Variants in SPTB observed in about 807,000 individuals in gnomAD.
The protein encoded by SPTB is spectrin beta chain, erythrocytic.
Under a neutral mutation model 256.2 loss-of-function variants are expected in SPTB, and 45 were observed. That is an observed-to-expected ratio of 0.18 (90% CI 0.14 to 0.23). The LOEUF is 0.23. SPTB is among the 10% of genes least tolerant of loss of function. SPTB has a pLI of 1.00. For synonymous variants in SPTB, 1,231 were observed against 1,243.1 expected, an observed-to-expected ratio of 0.99 and a Z score of 0.21; for missense variants, 2,715 against 3,040.4, an observed-to-expected ratio of 0.89 and a Z score of 2.52.
chr14:64,822,401 C>CACACACACACACAGCA (rs1555374137), intron 2 of SPTB, among the ~76,000 whole-genome samples: 3 of 136,522 alleles, frequency 2.2e-5, no homozygotes, highest in African/African-American at 5.7e-5. Flanking sequence ...CACACACACA[C>CACACACACACACAGCA]AGAGAGATCT....
Position 64,801,322 on chromosome 14 carries a change from C to T in SPTB, c.726G>A (p.Glu242=), listed in dbSNP as rs2139628357. Residue 242 remains glutamate, a synonymous_variant, in exon 7 of 36, where the codon GAG becomes GAA. Coordinates refer to ENST00000644917, the MANE Select transcript of SPTB (RefSeq NM_001355436.2). ...HNLEHAFNVA[E]RQLGIIPLLD... is the part of the protein sequence containing the mutation. ...GGAGCGGGATGATGCCCAGCTGGCG[C>T]TCAGCCACATTGAATGCGTGCTCCA... The T allele has an allele frequency of 6.2e-7, 1 of 1,614,176 alleles. No individual in the cohort carries two copies. The highest frequency in any genetic ancestry group is 8.5e-7 in the Non-Finnish European group (1 of 1,180,000).
chr14:64,858,043 A>C (rs2083900378), intron 1 of SPTB, among the ~76,000 whole-genome samples: 1 of 152,210 alleles, frequency 6.6e-6, no homozygotes, highest in African/African-American at 2.4e-5. Flanking sequence ...TTTACTGAGG[A>C]GGAAAATGAA....
chr14:64,817,107 G>C (rs1392578580), intron 2 of SPTB, among the ~76,000 whole-genome samples: 2 of 152,366 alleles, frequency 1.3e-5, no homozygotes, highest in African/African-American at 4.8e-5. Context: ...AGTTCTGAGA[G>C]AGGAAGAATA....
intron 33 of SPTB, 179 bp from the exon 34 acceptor site, chr14:64,750,333 C>A: frequency 1.4e-6 from 1 of 704,428 alleles, no homozygotes; most frequent in Non-Finnish European, 2.3e-6. Context: ...CTATTATTAA[C>A]ATTTTATGTA....
At chr14:64,766,925 C>A in intron 31 of SPTB, 124 bp from the exon 32 acceptor site, 1 of 1,263,576 alleles carries the variant, frequency 7.9e-7, no homozygotes, top group South Asian at 1.2e-5. Context: ...TCCAGTCAGC[C>A]GGCAGCCTGG....
In SPTB at chr14:64,774,519, C is replaced by G; in HGVS notation, c.4851G>C (p.Glu1617Asp). 6.4e-7 allele frequency: 1 copy of G among 1,553,482 alleles called. No individual in the cohort carries two copies. The stretch of plus-strand genomic sequence containing the variant: ...GTCGCTTCAGCATCACAATGGCGCC[C>G]TCTTCATCCTAGGAGGCAGCAGACG... Reference protein sequence around the residue: ...VISDEIPKDEEGAIVMLKRHL... With the variant: ...VISDEIPKDEDGAIVMLKRHL... The change falls in exon 24 of 36, where the codon GAG becomes GAC. Residue 1617 changes from glutamate (E) to aspartate (D), a missense_variant. By Grantham distance (45) the Glu-to-Asp change is conservative (BLOSUM62 2). Coordinates refer to ENST00000644917, the MANE Select transcript of SPTB (RefSeq NM_001355436.2).
intron 14 of SPTB, 63 bp from the exon 15 acceptor site, chr14:64,791,919 G>A: frequency 6.2e-7 from 1 of 1,604,692 alleles, no homozygotes; most frequent in Non-Finnish European, 8.5e-7. Context: ...CCTTGCCAGT[G>A]GCACCCCCAG....
intron 1 of SPTB, among the ~76,000 whole-genome samples, chr14:64,879,314 A>G (rs1314983589): frequency 6.6e-6 from 1 of 152,170 alleles, no homozygotes; most frequent in Non-Finnish European, 1.5e-5. Flanking sequence ...TGGCCCGAGG[A>G]GAGCGCAGCC....
chr14:64,851,502 T>TAGCAGCAGCAGCAGC (rs2083785732), intron 1 of SPTB, among the ~76,000 whole-genome samples: 1 of 152,026 alleles, frequency 6.6e-6, no homozygotes, highest in Non-Finnish European at 1.5e-5. Context: ...GCAGCAGCAG[T>TAGCAGCAGCAGCAGC]AGTAGTAGTA....
chr14:64,821,095 C>G (rs1357038968), intron 2 of SPTB, among the ~76,000 whole-genome samples: 1 of 152,228 alleles, frequency 6.6e-6, no homozygotes, highest in East Asian at 1.9e-4. Flanking sequence ...CAGAATCACA[C>G]ACACCCTTCA....
intron 32 of SPTB, among the ~76,000 whole-genome samples, chr14:64,761,873 C>T (rs1173532358): frequency 6.6e-6 from 1 of 152,140 alleles, no homozygotes; most frequent in Admixed American, 6.6e-5. Flanking sequence ...CCAGTGGTCA[C>T]ATCGTCCACT....
At chr14:64,783,097 C>T (rs6573568) in intron 19 of SPTB, among the ~76,000 whole-genome samples, 32,697 of 152,066 alleles carry the variant, frequency 0.22, 4,712 homozygotes, top group African/African-American at 0.4. Context: ...TGACCTCCTT[C>T]GGTTACTGAG....
chr14:64,785,417 G>A lies in SPTB; in HGVS notation c.3855+120C>T, dbSNP rs368064755. On this transcript the variant is annotated intron_variant, in intron 18 of 35. Coordinates refer to ENST00000644917, the MANE Select transcript of SPTB (RefSeq NM_001355436.2). This position sits in a 1 kb window ranked among gnomAD's most constrained non-coding sequence, Gnocchi z 4.4. ...CCCAATTAAGTACCCAGAGGTCCCC[G>A]CTCATGGAATCCCACAGCTCTTGAG... 28 of 879,438 alleles carry A rather than the reference G, an allele frequency of 3.2e-5. No individual in the cohort carries two copies. Among genetic ancestry groups the A allele is most frequent in the Admixed American group, 8.1e-5 (4 of 49,494 alleles). The allele number at this position is 879,438 out of a possible 1,614,324, so 54.5% of individuals were successfully genotyped here. A position where few individuals can be genotyped will look rare whatever the true frequency, so the allele number is the denominator to read the frequency against.
At position 64,759,661 on chromosome 14, in the gene SPTB, G is replaced by A. The variant is rs36093510; in HGVS notation, c.6346-5868C>T. Among the ~76,000 whole-genome samples the A allele has an allele frequency of 0.076, 11,615 of 152,312 alleles. 499 individuals are homozygous for A. The highest frequency in any genetic ancestry group is 0.092 in the African/African-American group (3,831 of 41,558). ...CAGGTTCTGCCCAAAGGCAGCATAT[G>A]GAGGAGCTGATCTGAGGTTCCCTTC... On this transcript the variant is annotated intron_variant, in intron 32 of 35. Transcript: ENST00000644917. This position sits in a 1 kb window ranked among gnomAD's most constrained non-coding sequence, Gnocchi z 4.8.
rs970492258 is a variant in SPTB at position 64,764,922 on chromosome 14, C to A, written c.6345+1804G>T. On this transcript the variant is annotated intron_variant, in intron 32 of 35. Coordinates refer to ENST00000644917, the MANE Select transcript of SPTB (RefSeq NM_001355436.2). The surrounding 1 kb of genome is among the most constrained non-coding windows in gnomAD (Gnocchi z 4.2). ...TTCGGAGGGAACTTCTGGGAGAGAC[C>A]CTTCAGCAGGAGCCCAGCAGTGCCC... 9.9e-5 allele frequency among the ~76,000 whole-genome samples: 15 copies of A among 151,990 alleles called. No individual in the cohort carries two copies. The highest frequency in any genetic ancestry group is 3.4e-4 in the African/African-American group (14 of 41,350).
At position 64,873,244 on chromosome 14, in the gene SPTB, C is replaced by G. The variant is rs779002191; in HGVS notation, c.-52+6548G>C. Reference sequence around the variant, plus strand: ...CTTGTCATTTAGTTCCTCTCTCCCCCAACTACAATGTGCACTCTACGACTT... The same window carrying G: ...CTTGTCATTTAGTTCCTCTCTCCCCGAACTACAATGTGCACTCTACGACTT... On this transcript the variant is annotated intron_variant, in intron 1 of 35. Transcript: ENST00000644917. This position sits in a 1 kb window ranked among gnomAD's most constrained non-coding sequence, Gnocchi z 4.3. 6.6e-6 allele frequency among the ~76,000 whole-genome samples: 1 copy of G among 152,200 alleles called. No homozygotes were observed. Among genetic ancestry groups the G allele is most frequent in the Non-Finnish European group, 1.5e-5 (1 of 68,036 alleles).
Position 64,753,788 on chromosome 14 carries a change from T to G in SPTB, c.6351A>C (p.Glu2117Asp). Residue 2117 changes from glutamate (E) to aspartate (D), a missense_variant, in exon 33 of 36, where the codon GAA (glutamate) becomes GAC (aspartate). Around this residue, in one of 4 missense-constraint regions of SPTB, gnomAD observed 2,239 missense variants for 2,384.4 expected, o/e 0.94. Transcript: ENST00000644917. ...HAATERTSPGEEEGTWPQNLQ... is the reference protein window; with the variant it reads ...HAATERTSPGDEEGTWPQNLQ... ...GGTTCTGAGGCCACGTTCCCTCTTC[T>G]TCCCCCTGCTCAGGGCATAGGGAGG... The G allele has an allele frequency of 6.2e-7, 1 of 1,613,032 alleles. No homozygotes were observed. The highest frequency in any genetic ancestry group is 8.5e-7 in the Non-Finnish European group (1 of 1,179,996).
At position 64,749,303 on chromosome 14, in the gene SPTB, C is replaced by G; in HGVS notation, c.*3G>C. 6.3e-7 allele frequency: 1 copy of G among 1,597,588 alleles called. No individual in the cohort carries two copies. Among genetic ancestry groups the G allele is most frequent in the Non-Finnish European group, 8.5e-7 (1 of 1,174,208 alleles). Reference sequence around the variant, plus strand: ...ACTCCGCCGCGCCCGCCAGCCCCACCTGCTACTTCTTTTTGGGGAAGAAGC... The same window carrying G: ...ACTCCGCCGCGCCCGCCAGCCCCACGTGCTACTTCTTTTTGGGGAAGAAGC... On this transcript the variant is annotated 3_prime_UTR_variant, in exon 36 of 36. Transcript: ENST00000644917. This position sits in a 1 kb window ranked among gnomAD's most constrained non-coding sequence, Gnocchi z 4.7.
chr14:64,784,452 C>T, intron 18 of SPTB, 59 bp from the exon 19 acceptor site: 4 of 1,603,058 alleles, frequency 2.5e-6, no homozygotes, highest in Non-Finnish European at 3.4e-6. Context: ...CAGAGCAGAA[C>T]CTGCTGCCCA....
Sources: allele counts gnomAD v4.1 joint callset (sites outside exome capture counted in the v4.1 genomes callset), GRCh38; gene constraint gnomAD v4.1.1; regional missense constraint gnomAD v4.1.1; non-coding constraint Gnocchi (gnomAD v3.1); transcripts MANE v1.5; gene names NCBI Gene and HGNC (gene_info 2026-07-23, HGNC 2026-07-21).